Variants in TSPEAR observed in about 807,000 individuals in gnomAD.
The protein encoded by TSPEAR is thrombospondin type laminin G domain and EAR repeats, also known as thrombospondin-type laminin G domain and EAR repeat-containing protein.
TSPEAR carries 69 observed loss-of-function variants against 71.6 expected under a neutral mutation model. The observed-to-expected ratio is 0.96, with a 90% CI of 0.79 to 1.18. The LOEUF is 1.18. Among genes scored for constraint, TSPEAR ranks in the 50% most tolerant of loss-of-function variants. The pLI is 0.00. For missense variants in TSPEAR, 971 were observed against 894.9 expected (o/e 1.09, Z -1.09); for synonymous variants, 402 against 387.2 (o/e 1.04, Z -0.45).
intron 1 of TSPEAR, among the ~76,000 whole-genome samples, chr21:44,598,163 T>A (rs1980494862): frequency 6.6e-6 from 1 of 152,202 alleles, no homozygotes; most frequent in Non-Finnish European, 1.5e-5. Flanking sequence ...CAGCTCGCAT[T>A]CCGTTCTGTA....
At chr21:44,666,558 C>A (rs1555944774) in intron 1 of TSPEAR, 2 of 1,599,826 alleles carry the variant, frequency 1.3e-6, no homozygotes, top group South Asian at 1.1e-5. Context: ...GACAGGCCTG[C>A]AGCTCACAGG....
chr21:44,682,013 G>A (rs782192568), intron 1 of TSPEAR: 132 of 1,609,660 alleles, frequency 8.2e-5, no homozygotes, highest in Middle Eastern at 1.6e-4. Context: ...TGAAGCTCAC[G>A]GGCACGCACA....
At chr21:44,637,371 T>C (rs587715796) in intron 1 of TSPEAR, 1 of 1,573,208 alleles carries the variant, frequency 6.4e-7, no homozygotes, top group Non-Finnish European at 8.6e-7. Flanking sequence ...ACTCACACAC[T>C]CACTCACTCA....
chr21:44,506,285 G>A lies in TSPEAR; in HGVS notation c.1755-1404C>T, dbSNP rs1188040914. ...TTTCCTCCCCAGGAGCCCACCTGCC[G>A]AGCTGTCAGCGTCAGCCCCACATCT... On this transcript the variant is annotated intron_variant, in intron 10 of 11. Transcript: ENST00000323084. This position sits in a 1 kb window ranked among gnomAD's most constrained non-coding sequence, Gnocchi z 4.2. Among the ~76,000 whole-genome samples, 6 of 152,232 alleles carry A rather than the reference G, an allele frequency of 3.9e-5. No homozygotes were observed. Among genetic ancestry groups the A allele is most frequent in the Admixed American group, 2.6e-4 (4 of 15,290 alleles).
chr21:44,573,693 C>A, intron 1 of TSPEAR: 1 of 1,573,778 alleles, frequency 6.4e-7, no homozygotes, highest in Non-Finnish European at 8.6e-7. Context: ...CCGAGCACCT[C>A]ACTCACTCGC....
In TSPEAR at chr21:44,500,010, C is replaced by T. The variant is rs2051998371; in HGVS notation, c.1857-74G>A. ...GCTCCTCTCCCCCGGCTCCCACCCG[C>T]GCTGTCAGGGACCCAGCAGCTCTGG... On this transcript the variant is annotated intron_variant, in intron 11 of 11. Transcript: ENST00000323084. 2.1e-5 allele frequency: 31 copies of T among 1,469,764 alleles called. 1 individual carries two copies. Among genetic ancestry groups the T allele is most frequent in the South Asian group, 1.9e-4 (15 of 79,010 alleles). The allele number at this position is 1,469,764 out of a possible 1,614,324, so 91.0% of individuals were successfully genotyped here. A position where few individuals can be genotyped will look rare whatever the true frequency, so the allele number is the denominator to read the frequency against.
intron 4 of TSPEAR, among the ~76,000 whole-genome samples, chr21:44,530,816 G>A (rs1443837154): frequency 6.6e-6 from 1 of 152,242 alleles, no homozygotes; most frequent in African/African-American, 2.4e-5. Context: ...CATGGTGGGG[G>A]CAGCCTGAAG....
At position 44,558,165 on chromosome 21, in the gene TSPEAR, C is replaced by T. The variant is rs376240470; in HGVS notation, c.303+9620G>A. 41 of 1,611,288 alleles carry T rather than the reference C, an allele frequency of 2.5e-5. No individual in the cohort carries two copies. The highest frequency in any genetic ancestry group is 6.6e-5 in the South Asian group (6 of 90,594). ...GGCCGGGCGGCAGCAGCTGGGCTGG[C>T]AGGTGGAGGCAGGGGCACAGCAGGA... On this transcript the variant is annotated intron_variant, in intron 2 of 11. Coordinates refer to ENST00000323084, the MANE Select transcript of TSPEAR (RefSeq NM_144991.3).
intron 1 of TSPEAR, among the ~76,000 whole-genome samples, chr21:44,621,628 C>T (rs373360168): frequency 6.6e-6 from 1 of 152,210 alleles, no homozygotes. Context: ...TCAGGCCCCA[C>T]TTCCTAAGGT....
At chr21:44,708,438 C>T (rs549595423) in intron 1 of TSPEAR, among the ~76,000 whole-genome samples, 10 of 152,216 alleles carry the variant, frequency 6.6e-5, no homozygotes, top group Non-Finnish European at 1.0e-4. Flanking sequence ...GTCCAGAGGA[C>T]AGAGGTTGAG....
chr21:44,705,212 T>C (rs1337360072), intron 1 of TSPEAR, among the ~76,000 whole-genome samples: 1 of 152,248 alleles, frequency 6.6e-6, no homozygotes, highest in Admixed American at 6.5e-5. Flanking sequence ...ACTTCCCCAG[T>C]CAATACCCTT....
In TSPEAR at chr21:44,551,054, G is replaced by A. The variant is rs1555918685; in HGVS notation, c.303+16731C>T. 1.6e-5 allele frequency: 25 copies of A among 1,612,098 alleles called. No homozygotes were observed. The East Asian group carries it at 5.6e-4, about 36-fold the overall frequency. On this transcript the variant is annotated intron_variant, in intron 2 of 11. Coordinates refer to ENST00000323084, the MANE Select transcript of TSPEAR (RefSeq NM_144991.3). ...CAGGCACACGGCAGGACTGCTGGCAGGAGGAAGAGGCACAGCAAGCTGGCT... is the reference window on the plus strand; with the variant it reads ...CAGGCACACGGCAGGACTGCTGGCAAGAGGAAGAGGCACAGCAAGCTGGCT...
intron 1 of TSPEAR, among the ~76,000 whole-genome samples, chr21:44,688,744 G>A (rs1555949282): frequency 6.6e-6 from 1 of 152,070 alleles, no homozygotes; most frequent in Non-Finnish European, 1.5e-5. Context: ...AGAAGGGTGT[G>A]TGTGGACTGC....
Position 44,658,203 on chromosome 21 carries a change from G to A in TSPEAR, c.82+53230C>T, listed in dbSNP as rs781943253. On this transcript the variant is annotated intron_variant, in intron 1 of 11. Transcript: ENST00000323084. ...ACTCCCTCTTGCCAATCTTCGGGGT[G>A]CTGCCAGCCCCCCTGCACCACTGCC... 1.1e-5 allele frequency: 17 copies of A among 1,614,054 alleles called. No individual in the cohort carries two copies. The African/African-American group carries it at 1.3e-4, about 13-fold the overall frequency.
At chr21:44,591,478 C>A (rs587619493) in intron 1 of TSPEAR, 1 of 1,613,964 alleles carries the variant, frequency 6.2e-7, no homozygotes, top group Non-Finnish European at 8.5e-7. Flanking sequence ...GGAGGCCGTG[C>A]GGCAGCAGCT....
At chr21:44,528,169 T>C (rs1358147708) in intron 6 of TSPEAR, among the ~76,000 whole-genome samples, 1 of 152,142 alleles carries the variant, frequency 6.6e-6, no homozygotes, top group African/African-American at 2.4e-5. Context: ...ATGCACAGGC[T>C]CGAGGCTCCT....
intron 1 of TSPEAR, among the ~76,000 whole-genome samples, chr21:44,570,587 C>T (rs117267229): frequency 0.027 from 4,149 of 152,258 alleles, 70 homozygotes; most frequent in Non-Finnish European, 0.043. Context: ...AGGAGGGAAC[C>T]GGGCGCTGCT....
chr21:44,635,994 T>C (rs779499855), intron 1 of TSPEAR, among the ~76,000 whole-genome samples: 2 of 152,230 alleles, frequency 1.3e-5, no homozygotes, highest in Non-Finnish European at 2.9e-5. Flanking sequence ...CATTCATGCT[T>C]ATTGGAAATT....
intron 10 of TSPEAR, chr21:44,508,169 C>G (rs1364165604): frequency 6.5e-6 from 1 of 153,132 alleles, no homozygotes; most frequent in Non-Finnish European, 1.5e-5. Context: ...CTCTGCACGT[C>G]CGTGGGCACG....
Sources: gnomAD v4.1 joint callset for allele counts (sites outside exome capture counted in the v4.1 genomes callset) on GRCh38, gnomAD v4.1.1 for gene constraint, Gnocchi (gnomAD v3.1) non-coding constraint, MANE v1.5 for transcripts, NCBI Gene and HGNC (gene_info 2026-07-23, HGNC 2026-07-21) for gene names.